TNRC6B: variants seen among roughly 807,000 people sequenced by gnomAD.
TNRC6B encodes the protein trinucleotide repeat-containing gene 6B protein.
A neutral mutation model predicts 203.6 loss-of-function variants in TNRC6B; 52 were observed. That is an observed-to-expected ratio of 0.26 (90% confidence interval 0.20 to 0.32). The LOEUF is 0.32. Ranked by LOEUF, TNRC6B falls within the 10% of genes least tolerant of loss-of-function variation. The pLI is 1.00. For missense variants in TNRC6B, 1,923 were observed against 2,286.2 expected, an observed-to-expected ratio of 0.84 and a Z score of 3.24; for synonymous variants, 838 against 845.7, an observed-to-expected ratio of 0.99 and a Z score of 0.16.
At chr22:40,260,869 A>G (rs1431109090) in intron 3 of TNRC6B, among the ~76,000 whole-genome samples, 1 of 152,124 alleles carries the variant, frequency 6.6e-6, no homozygotes, top group Admixed American at 6.5e-5. Flanking sequence ...CCTTCATCCT[A>G]CCTTCAGCAA....
chr22:40,308,730 A>G, intron 16 of TNRC6B, 81 bp downstream of exon 16: 1 of 1,475,008 alleles, frequency 6.8e-7, no homozygotes, highest in African/African-American at 1.4e-5. Flanking sequence ...TTTGAAGTAC[A>G]GAACTTGGTA....
intron 1 of TNRC6B, among the ~76,000 whole-genome samples, chr22:40,194,862 G>A (rs181331062): frequency 6.6e-6 from 1 of 152,354 alleles, no homozygotes; most frequent in East Asian, 1.9e-4. Context: ...AGGCGAACTG[G>A]TGTTTCCTGC....
chr22:40,100,073 T>A (rs1200130182), intron 1 of TNRC6B, among the ~76,000 whole-genome samples: 1 of 125,524 alleles, frequency 8.0e-6, no homozygotes, highest in Admixed American at 7.2e-5. Flanking sequence ...TTTTATTATT[T>A]ATTTATTTAT....
chr22:40,278,122 T>G, intron 9 of TNRC6B, 78 bp downstream of exon 9: 1 of 1,106,520 alleles, frequency 9.0e-7, no homozygotes, highest in South Asian at 1.3e-5. Context: ...CCAATTTGAT[T>G]AGGGATAGGT....
At chr22:40,320,305 C>A (rs1337967147) in intron 21 of TNRC6B, among the ~76,000 whole-genome samples, 1 of 152,050 alleles carries the variant, frequency 6.6e-6, no homozygotes, top group African/African-American at 2.4e-5. Context: ...CATGGTGAAA[C>A]CCTGTCTCTA....
chr22:40,204,546 G>C (rs538975227), intron 1 of TNRC6B, among the ~76,000 whole-genome samples: 1 of 152,204 alleles, frequency 6.6e-6, no homozygotes, highest in Non-Finnish European at 1.5e-5. Flanking sequence ...ACTAGCGAGC[G>C]TAAATTTTAT....
intron 4 of TNRC6B, among the ~76,000 whole-genome samples, chr22:40,157,034 C>G (rs2068824251): frequency 6.6e-6 from 1 of 151,998 alleles, no homozygotes; most frequent in Non-Finnish European, 1.5e-5. Context: ...CTCGGCCTCC[C>G]AAAGTGCTGG....
At chr22:40,322,115 C>G (rs150672549) in intron 22 of TNRC6B, among the ~76,000 whole-genome samples, 1 of 152,130 alleles carries the variant, frequency 6.6e-6, no homozygotes, top group Non-Finnish European at 1.5e-5. Flanking sequence ...CAGGTTGCTT[C>G]GATGCTTTGG....
At chr22:40,192,782 T>C (rs1198331426) in intron 1 of TNRC6B, among the ~76,000 whole-genome samples, 3 of 152,150 alleles carry the variant, frequency 2.0e-5, no homozygotes, top group Non-Finnish European at 2.9e-5. Context: ...GGGTTTGGGC[T>C]ATGTGGTGGG....
intron 2 of TNRC6B, among the ~76,000 whole-genome samples, chr22:40,121,791 G>T (rs911960399): frequency 1.1e-4 from 16 of 152,232 alleles, no homozygotes; most frequent in Non-Finnish European, 1.5e-5. Context: ...ACGCAGCCTT[G>T]TCTCTATAGA....
chr22:40,268,828 G>T (rs1186750900), intron 5 of TNRC6B, among the ~76,000 whole-genome samples: 2 of 151,730 alleles, frequency 1.3e-5, no homozygotes, highest in Non-Finnish European at 2.9e-5. Context: ...AGGAGAATGG[G>T]GTGAACCCAG....
At position 40,170,304 on chromosome 22, in the gene TNRC6B, ATATATATTTTATATATAT is replaced by A. The variant is rs200288277; in HGVS notation, c.113+14130_113+14147del. 6.0e-3 allele frequency among the ~76,000 whole-genome samples: 682 copies of A among 114,478 alleles called. 43 individuals carry two copies. Among genetic ancestry groups the A allele is most frequent in the African/African-American group, 0.023 (640 of 28,200 alleles). The allele number at this position is 114,478 out of a possible 152,430, so 75.1% of individuals were successfully genotyped here. A position where few individuals can be genotyped will look rare whatever the true frequency, so the allele number is the denominator to read the frequency against. ...AGGGGGAAAAAAATATATATATATA[ATATATATTTTATATATAT>A]TATATATATTATATATAGTTTATAT... On this transcript the variant is annotated intron_variant, in intron 4 of 23. Coordinates refer to the TNRC6B transcript ENST00000301923.
chr22:40,128,989 T>C (rs2068519039), intron 3 of TNRC6B, among the ~76,000 whole-genome samples: 1 of 152,124 alleles, frequency 6.6e-6, no homozygotes, highest in Non-Finnish European at 1.5e-5. Flanking sequence ...AATAAAGCCA[T>C]GTCATGCAGG....
At chr22:40,125,679 G>A (rs1214446369) in intron 2 of TNRC6B, 1 of 726,312 alleles carries the variant, frequency 1.4e-6, no homozygotes, top group Admixed American at 3.1e-5. Flanking sequence ...CAGTATCTGT[G>A]GCCTTATTGA....
At chr22:40,276,591 C>A (rs569293721) in intron 7 of TNRC6B, among the ~76,000 whole-genome samples, 1 of 152,156 alleles carries the variant, frequency 6.6e-6, no homozygotes, top group Non-Finnish European at 1.5e-5. Context: ...TCTTTACCAC[C>A]AGGACCAATG....
Position 40,072,861 on chromosome 22 carries a change from C to CAA in TNRC6B, c.-121+27889_-121+27890dup, listed in dbSNP as rs767881898. Among the ~76,000 whole-genome samples, 76 of 46,508 alleles carry CAA rather than the reference C, an allele frequency of 1.6e-3. 6 individuals carry two copies. Among genetic ancestry groups the CAA allele is most frequent in the Non-Finnish European group, 2.9e-3 (63 of 21,738 alleles). 30.5% of individuals were successfully genotyped at this position (46,508 alleles called of 152,430 possible). A position where few individuals can be genotyped will look rare whatever the true frequency, so the allele number is the denominator to read the frequency against. The stretch of plus-strand genomic sequence containing the variant: ...CCTGGGCAACAGAGCGAGATTCTCT[C>CAA]AAAAAAAAAAAAAAAAAAAAAAAAA... On this transcript the variant is annotated intron_variant, in intron 1 of 23. Coordinates refer to the TNRC6B transcript ENST00000301923.
chr22:40,236,558 C>A (rs1364888032), intron 1 of TNRC6B, among the ~76,000 whole-genome samples: 1 of 152,082 alleles, frequency 6.6e-6, no homozygotes. Flanking sequence ...GAACTAGGAC[C>A]GAAGGTGCTG....
intron 1 of TNRC6B, among the ~76,000 whole-genome samples, chr22:40,211,266 AAGG>A (rs895394409): frequency 1.3e-5 from 2 of 151,994 alleles, no homozygotes; most frequent in Non-Finnish European, 2.9e-5. Context: ...TTTTTGTAGA[AAGG>A]AGGTCTTGCC....
At chr22:40,251,460 GCT>G (rs2070192103) in intron 3 of TNRC6B, among the ~76,000 whole-genome samples, 1 of 152,132 alleles carries the variant, frequency 6.6e-6, no homozygotes, top group African/African-American at 2.4e-5. Context: ...GGGCACGGTG[GCT>G]TACGCCTGTA....
Sources: gnomAD v4.1 joint callset for allele counts (sites outside exome capture counted in the v4.1 genomes callset) on GRCh38, gnomAD v4.1.1 for gene constraint, MANE v1.5 for transcripts, NCBI Gene and HGNC (gene_info 2026-07-23, HGNC 2026-07-21) for gene names.